The following AKAP7 variants were observed in gnomAD, a reference collection of about 807,000 sequenced individuals.
AKAP7 encodes A kinase (PRKA) anchor protein 7.
Under a neutral mutation model 39.5 loss-of-function variants are expected in AKAP7, and 39 were observed. That is an observed-to-expected ratio of 0.99 (90% CI 0.76 to 1.29). The LOEUF (loss-of-function observed/expected upper bound fraction) is 1.29, where lower values mean the gene tolerates loss of function less well. AKAP7 is among the 50% of genes most tolerant of loss of function. AKAP7 has a pLI of 0.00. For synonymous variants in AKAP7, 140 were observed against 139.1 expected (o/e 1.01, Z -0.05); for missense variants, 414 against 407.7 (o/e 1.02, Z -0.13).
intron 2 of AKAP7, among the ~76,000 whole-genome samples, chr6:131,148,667 C>T (rs1486078540): frequency 6.6e-6 from 1 of 152,108 alleles, no homozygotes; most frequent in Non-Finnish European, 1.5e-5. Flanking sequence ...ACAAATAGTA[C>T]AATTCTTTGC....
chr6:131,249,252 A>G (rs917872542), intron 7 of AKAP7, among the ~76,000 whole-genome samples: 3 of 152,182 alleles, frequency 2.0e-5, no homozygotes, highest in Non-Finnish European at 2.9e-5. Context: ...AACACTCTCA[A>G]ATACTCTTTG....
chr6:131,224,169 G>A (rs1048000447), intron 7 of AKAP7, among the ~76,000 whole-genome samples: 1 of 152,082 alleles, frequency 6.6e-6, no homozygotes, highest in Non-Finnish European at 1.5e-5. Flanking sequence ...CATCTAAAGT[G>A]ATAATTTATT....
At position 131,281,381 on chromosome 6, in the gene AKAP7, A is replaced by G; in HGVS notation, c.851-149A>G. The G allele has an allele frequency of 3.5e-6, 2 of 563,872 alleles. No homozygotes were observed. The highest frequency in any genetic ancestry group is 6.5e-5 in the East Asian group (2 of 30,714). 34.9% of individuals were successfully genotyped at this position (563,872 alleles called of 1,614,324 possible). On this transcript the variant is annotated intron_variant, in intron 7 of 7. Transcript: ENST00000431975. The surrounding 1 kb of genome is among the most constrained non-coding windows in gnomAD (Gnocchi z 4.0). ...TAGACAGGCTCCTGCTTCTGCAAAT[A>G]CCAAATGAAAAGCCAACCCACTGTT...
chr6:131,250,333 C>A, intron 7 of AKAP7: 1 of 1,334,836 alleles, frequency 7.5e-7, no homozygotes, highest in Non-Finnish European at 9.7e-7. Flanking sequence ...AATGCCAGTC[C>A]CAGAGCAGTT....
At chr6:131,241,635 A>ATATATATGTGTGTG (rs1811627494) in intron 7 of AKAP7, among the ~76,000 whole-genome samples, 3 of 86,638 alleles carry the variant, frequency 3.5e-5, no homozygotes, top group Middle Eastern at 7.4e-3. Flanking sequence ...GTGTATATAT[A>ATATATATGTGTGTG]TATGACAGTT....
chr6:131,239,502 T>G (rs1251634887), intron 7 of AKAP7, among the ~76,000 whole-genome samples: 3 of 152,242 alleles, frequency 2.0e-5, no homozygotes, highest in Non-Finnish European at 4.4e-5. Context: ...TGCAGAGTGT[T>G]TTCCAACTTG....
At chr6:131,250,386 G>A in intron 7 of AKAP7, 15 of 1,432,610 alleles carry the variant, frequency 1.0e-5, no homozygotes, top group East Asian at 2.5e-5. Context: ...TTTTGCTCAC[G>A]GCAGCAAGTT....
At chr6:131,162,876 T>G (rs1322293174) in intron 3 of AKAP7, among the ~76,000 whole-genome samples, 1 of 152,178 alleles carries the variant, frequency 6.6e-6, no homozygotes, top group East Asian at 1.9e-4. Flanking sequence ...TTTCACAGCT[T>G]TCTGTATGCC....
chr6:131,226,515 A>C (rs1276057275), intron 7 of AKAP7, among the ~76,000 whole-genome samples: 1 of 152,252 alleles, frequency 6.6e-6, no homozygotes, highest in East Asian at 1.9e-4. Flanking sequence ...GAAAACCAGG[A>C]ATGAAATATG....
intron 7 of AKAP7, among the ~76,000 whole-genome samples, chr6:131,278,699 G>C (rs559782171): frequency 2.4e-4 from 37 of 152,084 alleles, no homozygotes; most frequent in Non-Finnish European, 5.3e-4. Context: ...CAAACAACCA[G>C]ATCTCATGAG....
chr6:131,183,457 GA>G (rs1805490475), intron 5 of AKAP7, among the ~76,000 whole-genome samples: 1 of 152,150 alleles, frequency 6.6e-6, no homozygotes. Flanking sequence ...ACAAAAAGGG[GA>G]TTTTGGAGGT....
chr6:131,237,652 G>C (rs993424002), intron 7 of AKAP7, among the ~76,000 whole-genome samples: 1 of 152,130 alleles, frequency 6.6e-6, no homozygotes, highest in African/African-American at 2.4e-5. Context: ...ATGTGTTGAG[G>C]AATTTATCTG....
chr6:131,185,342 G>A, intron 5 of AKAP7: 1 of 522,136 alleles, frequency 1.9e-6, no homozygotes, highest in South Asian at 1.7e-5. Flanking sequence ...ATTGTTCTGG[G>A]CTACTCCAGT....
intron 7 of AKAP7, among the ~76,000 whole-genome samples, chr6:131,241,627 G>GTGTGTGTGTGTGTATA: frequency 3.8e-4 from 33 of 86,670 alleles, no homozygotes; most frequent in Non-Finnish European, 5.5e-4. Context: ...GTGTGTGTGT[G>GTGTGTGTGTGTGTATA]TATATATATA....
At chr6:131,268,619 C>T (rs1007896134) in intron 7 of AKAP7, among the ~76,000 whole-genome samples, 6 of 152,148 alleles carry the variant, frequency 3.9e-5, no homozygotes, top group African/African-American at 1.2e-4. Context: ...TACTAGATTA[C>T]ATTAATGGCA....
chr6:131,190,486 A>T (rs931081715), intron 5 of AKAP7, among the ~76,000 whole-genome samples: 1 of 152,032 alleles, frequency 6.6e-6, no homozygotes, highest in African/African-American at 2.4e-5. Context: ...TACTAAAAAT[A>T]CAAAAATTAG....
At chr6:131,219,035 G>A (rs139757243) in intron 6 of AKAP7, among the ~76,000 whole-genome samples, 185 of 152,208 alleles carry the variant, frequency 1.2e-3, no homozygotes, top group Non-Finnish European at 2.0e-3. Flanking sequence ...TTGGGAGGCC[G>A]AGGCGGGTAG....
chr6:131,144,644 T>C (rs1300046606), intron 1 of AKAP7, among the ~76,000 whole-genome samples: 2 of 152,222 alleles, frequency 1.3e-5, no homozygotes, highest in African/African-American at 4.8e-5. Context: ...TATATGATTG[T>C]TCTACCCATA....
the AKAP7 span, among the ~76,000 whole-genome samples, chr6:131,127,856 T>C: frequency 2.6e-5 from 4 of 152,112 alleles, no homozygotes; most frequent in Admixed American, 1.3e-4. Context: ...TAATAAAGAA[T>C]GAAATCATGT....
Sources: gnomAD v4.1 joint callset for allele counts (sites outside exome capture counted in the v4.1 genomes callset) on GRCh38, gnomAD v4.1.1 for gene constraint, Gnocchi (gnomAD v3.1) non-coding constraint, MANE v1.5 for transcripts, NCBI Gene and HGNC (gene_info 2026-07-23, HGNC 2026-07-21) for gene names.